The following FARS2 variants were observed in gnomAD, a reference collection of about 807,000 sequenced individuals.
FARS2 encodes phenylalanyl-tRNA synthetase 2, mitochondrial.
Under a neutral mutation model 46.4 loss-of-function variants are expected in FARS2, and 40 were observed. That is an observed-to-expected ratio of 0.86 (90% CI 0.67 to 1.12). The LOEUF (loss-of-function observed/expected upper bound fraction) is 1.12, where lower values mean the gene tolerates loss of function less well. Among genes scored for constraint, FARS2 ranks in the 50% most tolerant of loss-of-function variants. FARS2 has a pLI of 0.00. For missense variants in FARS2, 513 were observed against 567.9 expected, an observed-to-expected ratio of 0.90 and a Z score of 0.98; for synonymous variants, 234 against 214.9, an observed-to-expected ratio of 1.09 and a Z score of -0.78.
chr6:5,609,458 A>G (rs7763758), intron 5 of FARS2: 625,470 of 1,207,658 alleles, frequency 0.52, 167,857 homozygotes, highest in East Asian at 0.62. Flanking sequence ...CAAATCCATT[A>G]TAGCCATCCG....
intron 1 of FARS2, among the ~76,000 whole-genome samples, chr6:5,263,196 T>C (rs1229379744): frequency 3.9e-5 from 6 of 152,246 alleles, no homozygotes; most frequent in African/African-American, 9.6e-5. Context: ...TCTACCTAAT[T>C]ATCAAGGAAT....
rs201146197 is a variant in FARS2 at position 5,407,065 on chromosome 6, AT to A, written c.772+2365del. On this transcript the variant is annotated intron_variant, in intron 3 of 6. Transcript: ENST00000274680. ...AAATTATATATATATATATATATAT[AT>A]AATGACCAATAAATATATGAAAAGA... 2.9e-4 allele frequency among the ~76,000 whole-genome samples: 41 copies of A among 142,582 alleles called. 3 individuals carry two copies. Among genetic ancestry groups the A allele is most frequent in the Non-Finnish European group, 4.7e-4 (31 of 65,598 alleles). 93.5% of individuals were successfully genotyped at this position (142,582 alleles called of 152,430 possible).
In FARS2 at chr6:5,557,350, C is replaced by T. The variant is rs76246095; in HGVS notation, c.1065+12010C>T. Among the ~76,000 whole-genome samples the T allele has an allele frequency of 1.8e-3, 274 of 152,164 alleles. 5 individuals carry two copies. The highest frequency in any genetic ancestry group is 6.1e-3 in the African/African-American group (255 of 41,464). The stretch of plus-strand genomic sequence containing the variant: ...TCCTCTCAAGATTGAAGGATGGTGA[C>T]GGGACCACAAGCATTACCTCTTACG... On this transcript the variant is annotated intron_variant, in intron 5 of 6. Transcript: ENST00000274680.
chr6:5,406,454 C>A (rs1359498984), intron 3 of FARS2, among the ~76,000 whole-genome samples: 1 of 152,178 alleles, frequency 6.6e-6, no homozygotes, highest in Admixed American at 6.5e-5. Flanking sequence ...CACATCTCAC[C>A]CCGGGCAACA....
At position 5,458,284 on chromosome 6, in the gene FARS2, G is replaced by A. The variant is rs116549011; in HGVS notation, c.904+27112G>A. ...TGGCAGGAAAGGGGTTTGTGCAAGA[G>A]CTGGCTGTACCTGTGTCTGAAACAC... On this transcript the variant is annotated intron_variant, in intron 4 of 6. Coordinates refer to ENST00000274680, the MANE Select transcript of FARS2 (RefSeq NM_006567.5). Among the ~76,000 whole-genome samples the A allele has an allele frequency of 8.7e-3, 1,330 of 152,342 alleles. 20 individuals are homozygous for A. The highest frequency in any genetic ancestry group is 0.03 in the African/African-American group (1,248 of 41,580).
At chr6:5,275,073 C>CTTTATTTGGCA (rs1481858792) in intron 1 of FARS2, among the ~76,000 whole-genome samples, 1 of 152,162 alleles carries the variant, frequency 6.6e-6, no homozygotes, top group Non-Finnish European at 1.5e-5. Flanking sequence ...TGCCAAAAGT[C>CTTTATTTGGCA]TTTATTTGGA....
At chr6:5,475,879 G>T (rs757624150) in intron 4 of FARS2, among the ~76,000 whole-genome samples, 8 of 152,076 alleles carry the variant, frequency 5.3e-5, no homozygotes, top group Non-Finnish European at 1.0e-4. Context: ...GCCGGTCGTT[G>T]CTCCCCTGAT....
intron 4 of FARS2, among the ~76,000 whole-genome samples, chr6:5,440,919 C>CTTTTT (rs56965644): frequency 2.1e-5 from 3 of 144,504 alleles, no homozygotes; most frequent in Non-Finnish European, 3.0e-5. Context: ...CATTTTCTTT[C>CTTTTT]TTTTTTTTTT....
chr6:5,553,441 AGT>A (rs1771482920), intron 5 of FARS2, among the ~76,000 whole-genome samples: 1 of 152,176 alleles, frequency 6.6e-6, no homozygotes, highest in Admixed American at 6.6e-5. Flanking sequence ...TTATTCTTGC[AGT>A]GTTATACGTG....
At chr6:5,326,055 A>G (rs145989212) in intron 1 of FARS2, among the ~76,000 whole-genome samples, 1 of 152,322 alleles carries the variant, frequency 6.6e-6, no homozygotes, top group Non-Finnish European at 1.5e-5. Flanking sequence ...ATGTTTGGCA[A>G]TGTGTGATGA....
chr6:5,771,254 C>G, intron 6 of FARS2, 37 bp from the exon 7 acceptor site: 1 of 1,612,458 alleles, frequency 6.2e-7, no homozygotes, highest in Non-Finnish European at 8.5e-7. Context: ...CAGCCTTGTT[C>G]ATCCCGCACT....
chr6:5,251,849 T>C, the FARS2 span, among the ~76,000 whole-genome samples: 6 of 152,142 alleles, frequency 3.9e-5, no homozygotes, highest in African/African-American at 1.2e-4. Context: ...CTTTGATGAG[T>C]GAGAGGGCTG....
chr6:5,610,303 A>AT (rs1775101439), intron 5 of FARS2: 1 of 392,230 alleles, frequency 2.5e-6, no homozygotes, highest in South Asian at 7.9e-5. Context: ...GCCCTTTTCA[A>AT]TTCTTTTTAA....
rs369296069 is a variant in FARS2 at position 5,625,355 on chromosome 6, G to A, written c.1217+12035G>A. ...TCCAGGATCACACAAGCAGGGCCGC[G>A]ACTGACACAGGGGTGCAGGCTGAGG... On this transcript the variant is annotated intron_variant, in intron 6 of 6. Transcript: ENST00000274680. 1.5e-3 allele frequency among the ~76,000 whole-genome samples: 230 copies of A among 152,288 alleles called. 1 individual carries two copies. The South Asian group carries it at 0.019, about 12-fold the overall frequency.
chr6:5,414,204 C>A (rs957581373), intron 3 of FARS2, among the ~76,000 whole-genome samples: 8 of 152,178 alleles, frequency 5.3e-5, no homozygotes, highest in African/African-American at 1.9e-4. Context: ...TAAAATTCAA[C>A]AGATTGGGGA....
chr6:5,649,242 T>C (rs1419453682), intron 6 of FARS2, among the ~76,000 whole-genome samples: 2 of 152,260 alleles, frequency 1.3e-5, no homozygotes, highest in Non-Finnish European at 2.9e-5. Flanking sequence ...GCTGTACATA[T>C]ATTTTAAGGA....
intron 1 of FARS2, among the ~76,000 whole-genome samples, chr6:5,274,428 G>C (rs188561318): frequency 6.6e-6 from 1 of 152,326 alleles, no homozygotes; most frequent in Admixed American, 6.5e-5. Context: ...AAGGTTTCTA[G>C]GAAAGATTTT....
intron 6 of FARS2, among the ~76,000 whole-genome samples, chr6:5,661,778 A>G (rs1270210406): frequency 6.8e-6 from 1 of 146,434 alleles, no homozygotes; most frequent in Non-Finnish European, 1.5e-5. Flanking sequence ...AGACAACTGA[A>G]GAAAAGAAGA....
rs764897456 is a variant in FARS2 at position 5,359,029 on chromosome 6, C to CTTTTTTTTTTTTTT, written c.-21-9521_-21-9520insTTTTTTTTTTTTTT. On this transcript the variant is annotated intron_variant, in intron 1 of 6. Transcript: ENST00000274680. ...TCGAATTATAGTGATGAAAAGATAC[C>CTTTTTTTTTTTTTT]CTTTTTTTTTTTTTTTTTTTTTTTT... Among the ~76,000 whole-genome samples, 24 of 72,534 alleles carry CTTTTTTTTTTTTTT rather than the reference C, an allele frequency of 3.3e-4. 11 individuals carry two copies. Among genetic ancestry groups the CTTTTTTTTTTTTTT allele is most frequent in the African/African-American group, 4.1e-4 (9 of 22,058 alleles). 47.6% of individuals were successfully genotyped at this position (72,534 alleles called of 152,430 possible). A position where few individuals can be genotyped will look rare whatever the true frequency, so the allele number is the denominator to read the frequency against.
Sources: gnomAD v4.1 joint callset for allele counts (sites outside exome capture counted in the v4.1 genomes callset) on GRCh38, gnomAD v4.1.1 for gene constraint, MANE v1.5 for transcripts, NCBI Gene and HGNC (gene_info 2026-07-23, HGNC 2026-07-21) for gene names.